Variants in KAZN observed in about 807,000 individuals in gnomAD.
KAZN encodes kazrin.
In KAZN, 40 loss-of-function variants were observed where a neutral mutation model predicts 87.4. The ratio of observed to expected loss-of-function variants is 0.46; its 90% confidence interval spans 0.36 to 0.60. KAZN has a LOEUF of 0.60. KAZN is among the 20% of genes least tolerant of loss of function. The pLI is 0.00. For missense variants in KAZN, 898 were observed against 1,073.9 expected (o/e 0.84, Z 2.29); for synonymous variants, 466 against 458.3 (o/e 1.02, Z -0.22).
chr1:14,639,941 T>C (rs1006398928), intron 1 of KAZN, among the ~76,000 whole-genome samples: 3 of 152,040 alleles, frequency 2.0e-5, no homozygotes, highest in Admixed American at 6.6e-5. Flanking sequence ...TCAGAGAAGG[T>C]GGTGTGCAGC....
At chr1:14,777,032 G>T (rs1330059273) in intron 1 of KAZN, among the ~76,000 whole-genome samples, 1 of 151,678 alleles carries the variant, frequency 6.6e-6, no homozygotes, top group Non-Finnish European at 1.5e-5. Flanking sequence ...ACGGAGTCTC[G>T]CTCTGTCACC....
intron 2 of KAZN, among the ~76,000 whole-genome samples, chr1:14,302,979 C>T (rs995973202): frequency 1.3e-5 from 2 of 152,184 alleles, no homozygotes; most frequent in Non-Finnish European, 2.9e-5. Context: ...GATATTAGCT[C>T]ACTGCATTTT....
chr1:14,182,735 A>G (rs1646224283), intron 2 of KAZN, among the ~76,000 whole-genome samples: 1 of 152,142 alleles, frequency 6.6e-6, no homozygotes, highest in Admixed American at 6.5e-5. Flanking sequence ...GGGCTAATTC[A>G]CTTATTTTCC....
At chr1:14,536,169 G>A (rs1408824391) in intron 2 of KAZN, among the ~76,000 whole-genome samples, 1 of 152,158 alleles carries the variant, frequency 6.6e-6, no homozygotes, top group East Asian at 1.9e-4. Context: ...TAATGACCAA[G>A]GGTTCAACAC....
chr1:15,048,668 CTGGTCCTGGGTCGT>C (rs1673890970), intron 4 of KAZN, among the ~76,000 whole-genome samples: 1 of 68,448 alleles, frequency 1.5e-5, no homozygotes, highest in African/African-American at 7.5e-5. Context: ...TCCTGGGTCG[CTGGTCCTGGGTCGT>C]TGGTCCTGGG....
Position 15,081,348 on chromosome 1 carries a change from T to C in KAZN, c.1223-12832T>C, listed in dbSNP as rs375469956. Among the ~76,000 whole-genome samples, 15 of 152,266 alleles carry C rather than the reference T, an allele frequency of 9.9e-5. No homozygotes were observed. In the South Asian group the frequency reaches 3.1e-3, roughly 32 times the overall value. On this transcript the variant is annotated intron_variant, in intron 8 of 14. Transcript: ENST00000376030. This position sits in a 1 kb window ranked among gnomAD's most constrained non-coding sequence, Gnocchi z 4.1. The stretch of plus-strand genomic sequence containing the variant: ...ATTGGCAAGCAAATGCTAAAACCAG[T>C]GTACCTCTGGAAAATATAAGAGCCG...
intron 1 of KAZN, among the ~76,000 whole-genome samples, chr1:14,168,611 C>T (rs979693541): frequency 2.6e-5 from 4 of 152,210 alleles, no homozygotes; most frequent in African/African-American, 9.6e-5. Context: ...GGCTATAGGA[C>T]TGTGTGACTT....
At chr1:14,471,921 T>C (rs1668476509) in intron 2 of KAZN, among the ~76,000 whole-genome samples, 1 of 152,250 alleles carries the variant, frequency 6.6e-6, no homozygotes, top group Non-Finnish European at 1.5e-5. Flanking sequence ...ATTAGTCTCT[T>C]ACCCGCTGCT....
chr1:14,451,496 G>A (rs1328245227), intron 2 of KAZN, among the ~76,000 whole-genome samples: 3 of 152,072 alleles, frequency 2.0e-5, no homozygotes, highest in African/African-American at 7.2e-5. Flanking sequence ...ATTGATGGGA[G>A]GCGAGATGTA....
intron 2 of KAZN, among the ~76,000 whole-genome samples, chr1:14,574,796 G>A (rs951010325): frequency 2.6e-5 from 4 of 152,164 alleles, no homozygotes; most frequent in Non-Finnish European, 5.9e-5. Flanking sequence ...TTTCAGCCCA[G>A]TGGAGGAAAC....
intron 2 of KAZN, among the ~76,000 whole-genome samples, chr1:14,478,122 C>T (rs751292196): frequency 3.3e-5 from 5 of 152,046 alleles, no homozygotes; most frequent in Non-Finnish European, 7.4e-5. Flanking sequence ...TTAGCCTTTG[C>T]CTCGAGCTGC....
intron 2 of KAZN, among the ~76,000 whole-genome samples, chr1:14,200,939 A>G (rs1646626728): frequency 6.6e-6 from 1 of 152,080 alleles, no homozygotes; most frequent in Non-Finnish European, 1.5e-5. Flanking sequence ...TGACAGCCTC[A>G]TTAGTATTTG....
intron 8 of KAZN, among the ~76,000 whole-genome samples, chr1:15,090,693 C>G (rs551819382): frequency 3.3e-5 from 5 of 152,362 alleles, no homozygotes; most frequent in East Asian, 1.9e-4. Flanking sequence ...GGCTTAGGCT[C>G]ACTGAGAAGG....
intron 2 of KAZN, among the ~76,000 whole-genome samples, chr1:14,430,475 G>A (rs1242886029): frequency 6.6e-6 from 1 of 152,128 alleles, no homozygotes; most frequent in Admixed American, 6.5e-5. Flanking sequence ...CCCTGCCCCT[G>A]GGTCCTATTG....
chr1:14,524,849 C>T (rs1286084661), intron 2 of KAZN, among the ~76,000 whole-genome samples: 2 of 152,164 alleles, frequency 1.3e-5, no homozygotes, highest in African/African-American at 4.8e-5. Context: ...CTTTAAAACA[C>T]CAGCAAAGGA....
intron 1 of KAZN, among the ~76,000 whole-genome samples, chr1:14,824,397 G>A (rs1333437121): frequency 1.3e-5 from 2 of 152,146 alleles, no homozygotes; most frequent in Admixed American, 1.3e-4. Context: ...ACTGCTCCTG[G>A]GAGGTATATT....
chr1:14,238,837 C>A (rs755816228), intron 2 of KAZN, among the ~76,000 whole-genome samples: 2 of 152,194 alleles, frequency 1.3e-5, no homozygotes, highest in Non-Finnish European at 2.9e-5. Flanking sequence ...CAAACACCAC[C>A]ATTTCATTTA....
At chr1:14,785,078 T>A (rs1370126753) in intron 1 of KAZN, among the ~76,000 whole-genome samples, 1 of 152,020 alleles carries the variant, frequency 6.6e-6, no homozygotes, top group Non-Finnish European at 1.5e-5. Context: ...TAGAAGGTGT[T>A]TAAGGAGTGG....
chr1:14,407,682 G>A lies in KAZN; in HGVS notation c.250-191301G>A, dbSNP rs551066644. On this transcript the variant is annotated intron_variant, in intron 2 of 16. Transcript: ENST00000636203. ...AATGAGAATAATCACACCTAGCGTA[G>A]AGTGTTGTATAAACTGTTATCATGC... is the stretch of plus-strand genomic sequence containing the variant. 6.6e-5 allele frequency among the ~76,000 whole-genome samples: 10 copies of A among 152,290 alleles called. No homozygotes were observed. The South Asian group carries it at 2.1e-3, about 32-fold the overall frequency.
Sources: gnomAD v4.1 joint callset for allele counts (sites outside exome capture counted in the v4.1 genomes callset) on GRCh38, gnomAD v4.1.1 for gene constraint, Gnocchi (gnomAD v3.1) non-coding constraint, MANE v1.5 for transcripts, NCBI Gene and HGNC (gene_info 2026-07-23, HGNC 2026-07-21) for gene names.